SH3GL3: variants seen among roughly 807,000 people sequenced by gnomAD.
SH3GL3 encodes endophilin-A3.
SH3GL3 carries 33 observed loss-of-function variants against 47.7 expected under a neutral mutation model. The ratio of observed to expected loss-of-function variants is 0.69; its 90% confidence interval spans 0.52 to 0.92. The LOEUF (loss-of-function observed/expected upper bound fraction) is 0.92. Among genes scored for constraint, SH3GL3 ranks in the 40% least tolerant of loss-of-function variants. The pLI is 0.00. For synonymous variants in SH3GL3, 155 were observed against 148.8 expected (o/e 1.04, Z -0.30); for missense variants, 363 against 417.8 (o/e 0.87, Z 1.14).
At position 83,580,354 on chromosome 15, in the gene SH3GL3, G is replaced by A. The variant is rs1007236491; in HGVS notation, c.624+3613G>A. Reference sequence around the variant, plus strand: ...GGTGCTGCTGCCTGATGGATTGGACGGTGTTTCTACCTGATCTGGTACCTG... The same window carrying A: ...GGTGCTGCTGCCTGATGGATTGGACAGTGTTTCTACCTGATCTGGTACCTG... On this transcript the variant is annotated intron_variant, in intron 6 of 8. Coordinates refer to ENST00000427482, the MANE Select transcript of SH3GL3 (RefSeq NM_003027.5). 3.3e-5 allele frequency among the ~76,000 whole-genome samples: 5 copies of A among 152,180 alleles called. No homozygotes were observed. The South Asian group carries it at 6.2e-4, about 19-fold the overall frequency.
intron 1 of SH3GL3, among the ~76,000 whole-genome samples, chr15:83,514,722 A>T (rs2042909877): frequency 6.6e-6 from 1 of 152,168 alleles, no homozygotes; most frequent in Admixed American, 6.5e-5. Flanking sequence ...TCACACAGAA[A>T]CTGCATTTGA....
intron 3 of SH3GL3, among the ~76,000 whole-genome samples, chr15:83,568,105 C>T (rs1033034482): frequency 2.0e-5 from 3 of 151,968 alleles, no homozygotes; most frequent in Admixed American, 1.3e-4. Context: ...GCCTCAGCCT[C>T]CCGAGTAGCT....
At chr15:83,587,412 C>T (rs1427724058) in intron 7 of SH3GL3, among the ~76,000 whole-genome samples, 1 of 151,730 alleles carries the variant, frequency 6.6e-6, no homozygotes, top group Non-Finnish European at 1.5e-5. Flanking sequence ...CAGAACTACC[C>T]TGGCTTCATT....
At chr15:83,631,043 C>A in the SH3GL3 span, among the ~76,000 whole-genome samples, 2 of 152,144 alleles carry the variant, frequency 1.3e-5, no homozygotes, top group Non-Finnish European at 2.9e-5. Flanking sequence ...TACACCTGTT[C>A]CAAATGGGAT....
intron 8 of SH3GL3, among the ~76,000 whole-genome samples, chr15:83,602,697 A>G (rs745846638): frequency 1.3e-5 from 2 of 152,156 alleles, no homozygotes; most frequent in Non-Finnish European, 2.9e-5. Context: ...GTCCATAACA[A>G]TGATGGACTC....
rs1235313674 is a variant in SH3GL3, at chr15:83,585,045, C to T, written c.625-1938C>T. On this transcript the variant is annotated intron_variant, in intron 6 of 8. Transcript: ENST00000427482. ...CAGCACACAGCTCAATGCTCATGACCTGGGGGACAGCTGGAAGCTTCAATT... is the reference window on the plus strand; with the variant it reads ...CAGCACACAGCTCAATGCTCATGACTTGGGGGACAGCTGGAAGCTTCAATT... Among the ~76,000 whole-genome samples the T allele has an allele frequency of 2.0e-5, 3 of 152,172 alleles. No individual in the cohort carries two copies. The East Asian group carries it at 5.8e-4, about 29-fold the overall frequency.
In SH3GL3 at chr15:83,599,932, C is replaced by T. The variant is rs113720602; in HGVS notation, c.838+11161C>T. ...CATTGTGGTTTTGATTTGCATTTCC[C>T]GGATCATTAGTGATGTTGAGCATTT... On this transcript the variant is annotated intron_variant, in intron 8 of 8. Coordinates refer to ENST00000427482, the MANE Select transcript of SH3GL3 (RefSeq NM_003027.5). Among the ~76,000 whole-genome samples, 353 of 152,226 alleles carry T rather than the reference C, an allele frequency of 2.3e-3. 1 individual carries two copies. Among genetic ancestry groups the T allele is most frequent in the Non-Finnish European group, 2.3e-3 (158 of 68,010 alleles).
intron 4 of SH3GL3, among the ~76,000 whole-genome samples, chr15:83,569,838 CT>C (rs2045730390): frequency 6.6e-6 from 1 of 152,234 alleles, no homozygotes; most frequent in Non-Finnish European, 1.5e-5. Flanking sequence ...CCTTAGCCTG[CT>C]TTTGCATCAG....
chr15:83,592,388 C>T lies in SH3GL3; in HGVS notation c.838+3617C>T, dbSNP rs72760383. ...GCTCTTATTTTAAATTGCCTACTCA[C>T]GGATGAAAATGTGAGCAGGCTGCAT... is the stretch of plus-strand genomic sequence containing the variant. On this transcript the variant is annotated intron_variant, in intron 8 of 8. Coordinates refer to ENST00000427482, the MANE Select transcript of SH3GL3 (RefSeq NM_003027.5). 4.7e-4 allele frequency among the ~76,000 whole-genome samples: 72 copies of T among 152,236 alleles called. No individual in the cohort carries two copies. The South Asian group carries it at 0.014, about 29-fold the overall frequency.
chr15:83,604,000 G>A (rs1043250000), intron 8 of SH3GL3, among the ~76,000 whole-genome samples: 1 of 152,106 alleles, frequency 6.6e-6, no homozygotes, highest in African/African-American at 2.4e-5. Flanking sequence ...TGGGCATGGT[G>A]GCGCATGCCT....
intron 1 of SH3GL3, among the ~76,000 whole-genome samples, chr15:83,478,197 G>A (rs1049024310): frequency 2.1e-4 from 32 of 152,162 alleles, no homozygotes; most frequent in African/African-American, 6.5e-4. Flanking sequence ...CTTAACCTAC[G>A]GGAGGGCAAC....
intron 1 of SH3GL3, among the ~76,000 whole-genome samples, chr15:83,464,351 G>A (rs1383160344): frequency 2.0e-5 from 3 of 152,064 alleles, no homozygotes; most frequent in Non-Finnish European, 4.4e-5. Context: ...CCAGGCCCTG[G>A]CTTGGGTACT....
intron 1 of SH3GL3, among the ~76,000 whole-genome samples, chr15:83,527,851 CT>C (rs1003416675): frequency 2.6e-5 from 4 of 151,128 alleles, no homozygotes; most frequent in Non-Finnish European, 5.9e-5. Context: ...ATTTGAATCT[CT>C]TTTTTTTTCC....
intron 1 of SH3GL3, among the ~76,000 whole-genome samples, chr15:83,558,649 C>G (rs1278623021): frequency 6.6e-6 from 1 of 152,172 alleles, no homozygotes; most frequent in Non-Finnish European, 1.5e-5. Flanking sequence ...GCTGAGAAAA[C>G]CTGTCCTATC....
intron 8 of SH3GL3, among the ~76,000 whole-genome samples, chr15:83,589,396 A>T (rs1227134595): frequency 1.3e-5 from 2 of 151,846 alleles, no homozygotes; most frequent in Admixed American, 6.6e-5. Flanking sequence ...TTCTTTTTTG[A>T]GACAAAGTCT....
chr15:83,450,852 T>C (rs1038176653), intron 1 of SH3GL3, among the ~76,000 whole-genome samples: 3 of 134,532 alleles, frequency 2.2e-5, no homozygotes, highest in African/African-American at 8.3e-5. Flanking sequence ...ATGTGCACAT[T>C]GTGCAGGTTA....
intron 2 of SH3GL3, among the ~76,000 whole-genome samples, chr15:83,563,024 G>A (rs187425271): frequency 3.3e-4 from 50 of 152,130 alleles, no homozygotes; most frequent in African/African-American, 1.2e-3. Context: ...CTTTCCTGGG[G>A]CTCCAGATTA....
rs1325862124 is a variant in SH3GL3, at chr15:83,556,249, ATTTG to A, written c.46-3001_46-2998del. On this transcript the variant is annotated intron_variant, in intron 1 of 8. Transcript: ENST00000427482. ...ACATAGTAGATGCTCAACAAACAAT[ATTTG>A]TTCATTGACTGACCTCTGAAATATA... Among the ~76,000 whole-genome samples the A allele has an allele frequency of 1.2e-4, 19 of 152,340 alleles. No homozygotes were observed. The East Asian group carries it at 3.3e-3, about 26-fold the overall frequency.
chr15:83,591,351 A>G (rs1189266205), intron 8 of SH3GL3, among the ~76,000 whole-genome samples: 1 of 152,134 alleles, frequency 6.6e-6, no homozygotes, highest in Non-Finnish European at 1.5e-5. Flanking sequence ...TTAATTTTGT[A>G]TAAATGTGAG....
Sources: gnomAD v4.1 joint callset for allele counts (sites outside exome capture counted in the v4.1 genomes callset) on GRCh38, gnomAD v4.1.1 for gene constraint, MANE v1.5 for transcripts, NCBI Gene and HGNC (gene_info 2026-07-23, HGNC 2026-07-21) for gene names.